The following NOL11 variants were observed in gnomAD, a reference collection of about 807,000 sequenced individuals.
NOL11 encodes nucleolar protein 11.
A neutral mutation model predicts 93.0 loss-of-function variants in NOL11; 42 were observed. The ratio of observed to expected loss-of-function variants is 0.45; its 90% confidence interval spans 0.35 to 0.58. The LOEUF is 0.58. Ranked by LOEUF, NOL11 falls within the 20% of genes least tolerant of loss-of-function variation. NOL11 has a pLI of 0.00. For missense variants in NOL11, 775 were observed against 841.8 expected (o/e 0.92, Z 0.98); for synonymous variants, 296 against 293.7 (o/e 1.01, Z -0.08).
At chr17:67,730,295 G>C (rs1018752037) in intron 7 of NOL11, among the ~76,000 whole-genome samples, 1 of 151,968 alleles carries the variant, frequency 6.6e-6, no homozygotes, top group Non-Finnish European at 1.5e-5. Flanking sequence ...GTCTCGCTCT[G>C]TCGCCCAGAG....
At chr17:67,736,208 G>T (rs952302070) in intron 9 of NOL11, among the ~76,000 whole-genome samples, 185 bp downstream of exon 9, 2 of 152,014 alleles carry the variant, frequency 1.3e-5, no homozygotes, top group African/African-American at 4.8e-5. Flanking sequence ...CACTTAAGGA[G>T]GCAGAGGCGG....
chr17:67,726,766 G>T, intron 7 of NOL11, 118 bp downstream of exon 7: 1 of 738,768 alleles, frequency 1.4e-6, no homozygotes, highest in Non-Finnish European at 2.0e-6. Context: ...CTCTTTATCA[G>T]CATACTCAAT....
intron 16 of NOL11, among the ~76,000 whole-genome samples, chr17:67,740,001 C>T (rs568978060): frequency 2.0e-5 from 3 of 151,832 alleles, no homozygotes; most frequent in African/African-American, 4.8e-5. Flanking sequence ...TTTGGGAGGC[C>T]GAGGCGGGAG....
chr17:67,738,373 G>A lies in NOL11; in HGVS notation c.1763+18G>A. Reference sequence around the variant, plus strand: ...GCTCTACTGTATCCTTTGACATAGAGCATCCCTCTGTTTCTCTTTATAGGA... The same window carrying A: ...GCTCTACTGTATCCTTTGACATAGAACATCCCTCTGTTTCTCTTTATAGGA... On this transcript the variant is annotated intron_variant, in intron 14 of 17. Coordinates refer to ENST00000253247, the MANE Select transcript of NOL11 (RefSeq NM_015462.5). 1 of 1,518,732 alleles carries A rather than the reference G, an allele frequency of 6.6e-7. No individual in the cohort carries two copies. The highest frequency in any genetic ancestry group is 1.1e-5 in the South Asian group (1 of 87,382). The allele number at this position is 1,518,732 out of a possible 1,614,324, so 94.1% of individuals were successfully genotyped here.
In NOL11 at chr17:67,727,982, C is replaced by T. The variant is rs116986293; in HGVS notation, c.853+1334C>T. 6.1e-4 allele frequency among the ~76,000 whole-genome samples: 92 copies of T among 151,046 alleles called. 1 individual carries two copies. In the East Asian group the frequency reaches 0.017, roughly 28 times the overall value. On this transcript the variant is annotated intron_variant, in intron 7 of 17. Transcript: ENST00000253247. ...TAGTATAACTATACCATGTGCGAGC[C>T]GGGCACAGTAGCTCATGCCTGTAAT... is the stretch of plus-strand genomic sequence containing the variant.
chr17:67,718,391 C>T (rs1236021398), intron 1 of NOL11, among the ~76,000 whole-genome samples: 1 of 152,086 alleles, frequency 6.6e-6, no homozygotes, highest in African/African-American at 2.4e-5. Flanking sequence ...AAGATTCCCT[C>T]CTAGGGTCTT....
intron 5 of NOL11, among the ~76,000 whole-genome samples, chr17:67,723,074 G>A (rs562718182): frequency 6.8e-6 from 1 of 147,218 alleles, no homozygotes; most frequent in South Asian, 2.1e-4. Flanking sequence ...GAGCAATGGT[G>A]CGATCTCAGC....
chr17:67,729,519 C>T (rs1467640480), intron 7 of NOL11, among the ~76,000 whole-genome samples: 1 of 152,142 alleles, frequency 6.6e-6, no homozygotes, highest in Non-Finnish European at 1.5e-5. Context: ...TTGGCAACCA[C>T]CAATTTGCAT....
In NOL11 at chr17:67,737,616, A is replaced by T. The variant is rs767730280; in HGVS notation, c.1327A>T (p.Arg443Trp). The T allele has an allele frequency of 6.2e-7, 1 of 1,614,184 alleles. No individual in the cohort carries two copies. The highest frequency in any genetic ancestry group is 1.1e-5 in the South Asian group (1 of 91,080). ...IGDTVTGLLE[R>W]CKAEPSFYPR... ...GGACACAGTAACAGGACTTCTGGAA[A>T]GGTGTAAAGCAGAACCATCATTTTA... Residue 443 changes from arginine (R) to tryptophan (W), a missense_variant, in exon 12 of 18, where the codon AGG becomes TGG. By Grantham distance (101) the Arg-to-Trp change is moderately radical. Coordinates refer to ENST00000253247, the MANE Select transcript of NOL11 (RefSeq NM_015462.5).
intron 15 of NOL11, 28 bp from the exon 16 acceptor site, chr17:67,739,488 T>C (rs2055234672): frequency 1.5e-6 from 2 of 1,377,486 alleles, no homozygotes; most frequent in African/African-American, 2.9e-5. Context: ...ATCAAAATGA[T>C]AAACTATCCA....
At position 67,722,750 on chromosome 17, in the gene NOL11, C is replaced by T. The variant is rs571463641; in HGVS notation, c.519+113C>T. On this transcript the variant is annotated intron_variant, in intron 5 of 17. Coordinates refer to ENST00000253247, the MANE Select transcript of NOL11 (RefSeq NM_015462.5). ...CCCAGGCTTGAGAGCAGTGGTGCCA[C>T]GATGGTTCACTGCAGCCTCAACCTC... 12 of 1,357,674 alleles carry T rather than the reference C, an allele frequency of 8.8e-6. No homozygotes were observed. In the Admixed American group the frequency reaches 1.4e-4, roughly 16 times the overall value. 84.1% of individuals were successfully genotyped at this position (1,357,674 alleles called of 1,614,324 possible). A position where few individuals can be genotyped will look rare whatever the true frequency, so the allele number is the denominator to read the frequency against.
At position 67,736,296 on chromosome 17, in the gene NOL11, AC is replaced by A. The variant is rs58390616; in HGVS notation, c.1054+274del. On this transcript the variant is annotated intron_variant, in intron 9 of 17. Coordinates refer to ENST00000253247, the MANE Select transcript of NOL11 (RefSeq NM_015462.5). ...CCCTGTACTCCACAGAAAATGGAAA[AC>A]AAAAAAAAAAAAGTTTGAAACTTGT... Among the ~76,000 whole-genome samples, 1,442 of 147,894 alleles carry A rather than the reference AC, an allele frequency of 9.8e-3. 11 individuals carry two copies. The highest frequency in any genetic ancestry group is 0.024 in the African/African-American group (976 of 40,716).
chr17:67,724,304 G>A, intron 6 of NOL11, 111 bp downstream of exon 6: 2 of 554,396 alleles, frequency 3.6e-6, no homozygotes, highest in Non-Finnish European at 5.9e-6. Context: ...AGCCATTTCT[G>A]TGCTTCTTTA....
chr17:67,718,220 G>C, intron 1 of NOL11, 132 bp downstream of exon 1: 1 of 1,243,624 alleles, frequency 8.0e-7, no homozygotes, highest in Non-Finnish European at 1.1e-6. Flanking sequence ...GGCTGGGCCT[G>C]TTGGGGACGC....
rs376433165 is a variant in NOL11, at chr17:67,739,507, C to A, written c.1843-9C>A. The A allele has an allele frequency of 3.9e-6, 6 of 1,523,780 alleles. No individual in the cohort carries two copies. Among genetic ancestry groups the A allele is most frequent in the Non-Finnish European group, 4.4e-6 (5 of 1,129,372 alleles). The allele number at this position is 1,523,780 out of a possible 1,614,324, so 94.4% of individuals were successfully genotyped here. ...AAATGATAAACTATCCATTTTTTTT[C>A]CCACCCAGCTGTTTCTTAAGTATTT... is the stretch of plus-strand genomic sequence containing the variant. On this transcript the variant is annotated splice_polypyrimidine_tract_variant and intron_variant, in intron 15 of 17. Transcript: ENST00000253247.
chr17:67,742,289 T>C (rs2143148480), intron 16 of NOL11, among the ~76,000 whole-genome samples: 1 of 152,356 alleles, frequency 6.6e-6, no homozygotes, highest in East Asian at 1.9e-4. Context: ...TGCATTTCTT[T>C]GATAATGAGA....
Position 67,717,954 on chromosome 17 carries a change from G to C in NOL11, c.7G>C (p.Ala3Pro), listed in dbSNP as rs776362026. 17 of 1,614,066 alleles carry C rather than the reference G, an allele frequency of 1.1e-5. No homozygotes were observed. The highest frequency in any genetic ancestry group is 1.4e-5 in the Non-Finnish European group (16 of 1,180,014). ...GTACTTAGGTTTGCTCAAAATGGCA[G>C]CGCTGGAGGAAGAATTCACGTTGTC... Reference protein sequence around the residue: MAALEEEFTLSSV... With the variant: MAPLEEEFTLSSV... The change falls in exon 1 of 18, where the codon GCG becomes CCG. Residue 3 changes from alanine (A) to proline (P), a missense_variant. Coordinates refer to ENST00000253247, the MANE Select transcript of NOL11 (RefSeq NM_015462.5).
At chr17:67,724,950 C>G (rs2055076129) in intron 6 of NOL11, among the ~76,000 whole-genome samples, 1 of 152,076 alleles carries the variant, frequency 6.6e-6, no homozygotes, top group African/African-American at 2.4e-5. Flanking sequence ...CCCAGCTACT[C>G]TGGAGGCTGA....
At chr17:67,730,760 C>T (rs9897881) in intron 7 of NOL11, among the ~76,000 whole-genome samples, 3,806 of 152,280 alleles carry the variant, frequency 0.025, 149 homozygotes, top group African/African-American at 0.086. Flanking sequence ...TACCCATCAC[C>T]TCAAGCATTT....
Sources: gnomAD v4.1 joint callset for allele counts (sites outside exome capture counted in the v4.1 genomes callset) on GRCh38, gnomAD v4.1.1 for gene constraint, MANE v1.5 for transcripts, NCBI Gene and HGNC (gene_info 2026-07-23, HGNC 2026-07-21) for gene names.